Variants in STXBP4 observed in about 807,000 individuals in gnomAD.
The protein encoded by STXBP4 is syntaxin-binding protein 4.
STXBP4 carries 55 observed loss-of-function variants against 76.1 expected under a neutral mutation model. That is an observed-to-expected ratio of 0.72 (90% CI 0.58 to 0.91). STXBP4 has a LOEUF of 0.91. Among genes scored for constraint, STXBP4 ranks in the 40% least tolerant of loss-of-function variants. STXBP4 has a pLI of 0.00. For missense variants in STXBP4, 618 were observed against 636.9 expected (o/e 0.97, Z 0.32); for synonymous variants, 201 against 220.2 (o/e 0.91, Z 0.77).
chr17:55,134,937 T>C (rs892737943), intron 16 of STXBP4, among the ~76,000 whole-genome samples: 1 of 87,104 alleles, frequency 1.1e-5, no homozygotes, highest in African/African-American at 6.6e-5. Flanking sequence ...GGGATCAGAG[T>C]TAGAATGTAA....
At chr17:55,052,216 TA>T (rs1359818922) in intron 12 of STXBP4, among the ~76,000 whole-genome samples, 1 of 151,958 alleles carries the variant, frequency 6.6e-6, no homozygotes, top group South Asian at 2.1e-4. Context: ...GAAGGGTAAG[TA>T]AAATATAAGC....
chr17:55,185,078 T>C, the STXBP4 span, among the ~76,000 whole-genome samples: 128,987 of 152,084 alleles, frequency 0.85, 55,224 homozygotes, highest in African/African-American at 0.94. Context: ...GCTTCATTGC[T>C]GAGGCTGGTC....
chr17:55,043,602 C>T (rs1221867507), intron 11 of STXBP4: 4 of 1,548,642 alleles, frequency 2.6e-6, no homozygotes, highest in Non-Finnish European at 3.5e-6. Flanking sequence ...TTTTTATTCT[C>T]TCTCATTAGT....
intron 17 of STXBP4, among the ~76,000 whole-genome samples, chr17:55,158,403 G>C (rs1034808147): frequency 6.6e-6 from 1 of 152,184 alleles, no homozygotes; most frequent in African/African-American, 2.4e-5. Context: ...AGTTTGGGGA[G>C]GACGAAGGCT....
At position 55,071,741 on chromosome 17, in the gene STXBP4, G is replaced by T. The variant is rs563172495; in HGVS notation, c.1012-1159G>T. ...ATGAAAAACTGACCCTTAAGAATAT[G>T]CCAGCATTCCTAACCCTCCCAGCAC... On this transcript the variant is annotated intron_variant, in intron 12 of 17. Transcript: ENST00000376352. Among the ~76,000 whole-genome samples the T allele has an allele frequency of 2.0e-5, 3 of 152,202 alleles. No homozygotes were observed. The East Asian group carries it at 5.8e-4, about 29-fold the overall frequency.
At chr17:54,987,938 T>C (rs550612091) in intron 3 of STXBP4, among the ~76,000 whole-genome samples, 2 of 152,202 alleles carry the variant, frequency 1.3e-5, no homozygotes, top group Non-Finnish European at 2.9e-5. Flanking sequence ...CTTGTAATTC[T>C]CTTATTATGA....
chr17:55,048,475 T>G (rs1390103344), intron 12 of STXBP4, among the ~76,000 whole-genome samples: 2 of 151,916 alleles, frequency 1.3e-5, no homozygotes, highest in Non-Finnish European at 2.9e-5. Context: ...GATGAAAACT[T>G]TCCAAAACAA....
At chr17:55,102,558 G>C (rs113277016) in intron 16 of STXBP4, among the ~76,000 whole-genome samples, 5,823 of 152,170 alleles carry the variant, frequency 0.038, 398 homozygotes, top group African/African-American at 0.13. Flanking sequence ...CCAAGTCTTT[G>C]CTATTGTGAA....
intron 16 of STXBP4, among the ~76,000 whole-genome samples, chr17:55,102,165 T>C (rs1481664136): frequency 2.0e-5 from 3 of 151,904 alleles, no homozygotes; most frequent in African/African-American, 7.3e-5. Context: ...CTGGGATACA[T>C]GTACAGAATT....
the STXBP4 span, among the ~76,000 whole-genome samples, chr17:55,190,583 G>A: frequency 2.6e-5 from 4 of 152,230 alleles, no homozygotes; most frequent in African/African-American, 9.6e-5. Flanking sequence ...AAGAACAAAA[G>A]TAATTGCATA....
intron 16 of STXBP4, among the ~76,000 whole-genome samples, chr17:55,086,780 C>T (rs1322260084): frequency 6.6e-6 from 1 of 152,086 alleles, no homozygotes; most frequent in Admixed American, 6.6e-5. Flanking sequence ...GGATAAATGC[C>T]CAGTAGTAGG....
chr17:55,060,345 C>T (rs1389846777), intron 12 of STXBP4, among the ~76,000 whole-genome samples: 1 of 151,944 alleles, frequency 6.6e-6, no homozygotes, highest in Non-Finnish European at 1.5e-5. Flanking sequence ...TTTCTTTTTT[C>T]ACAATAAATG....
chr17:55,165,213 T>C lies in STXBP4; in HGVS notation c.*5302T>C, dbSNP rs1228761020. ...TAGGTCAAAGATTTGAGAGCACATA[T>C]GATGAGGAAGATGAGGCTTTCTTAC... is the stretch of plus-strand genomic sequence containing the variant. On this transcript the variant is annotated 3_prime_UTR_variant, in exon 18 of 18. Coordinates refer to ENST00000376352, the MANE Select transcript of STXBP4 (RefSeq NM_178509.6). 6.6e-6 allele frequency: 1 copy of C among 152,170 alleles called. No individual in the cohort carries two copies. Among genetic ancestry groups the C allele is most frequent in the Admixed American group, 6.5e-5 (1 of 15,276 alleles). 9.4% of individuals were successfully genotyped at this position (152,170 alleles called of 1,614,324 possible). A position where few individuals can be genotyped will look rare whatever the true frequency, so the allele number is the denominator to read the frequency against.
At chr17:55,021,249 T>C (rs1024167561) in intron 8 of STXBP4, among the ~76,000 whole-genome samples, 1 of 152,118 alleles carries the variant, frequency 6.6e-6, no homozygotes, top group Admixed American at 6.5e-5. Flanking sequence ...GGGGTGGGCA[T>C]GGTGGCTTAT....
chr17:55,158,561 G>T (rs1014865118), intron 17 of STXBP4, among the ~76,000 whole-genome samples: 2 of 152,234 alleles, frequency 1.3e-5, no homozygotes, highest in Non-Finnish European at 2.9e-5. Context: ...TCCAGCCAAA[G>T]GCTGGGAGTA....
intron 3 of STXBP4, among the ~76,000 whole-genome samples, chr17:54,987,184 G>A (rs887784995): frequency 6.6e-6 from 1 of 152,138 alleles, no homozygotes; most frequent in African/African-American, 2.4e-5. Context: ...TGGCCATTTT[G>A]CAAACGTAAA....
intron 1 of STXBP4, among the ~76,000 whole-genome samples, chr17:54,976,971 T>A (rs757132558): frequency 1.2e-4 from 19 of 152,246 alleles, no homozygotes; most frequent in Non-Finnish European, 2.6e-4. Flanking sequence ...CATACTTACA[T>A]TTTTTCCCTG....
At chr17:54,970,030 TAAGGAG>T in intron 1 of STXBP4, among the ~76,000 whole-genome samples, 1 of 152,218 alleles carries the variant, frequency 6.6e-6, no homozygotes, top group Admixed American at 6.5e-5. Flanking sequence ...TGAACGATGA[TAAGGAG>T]CTACCTACTC....
At chr17:55,023,585 G>A (rs76429601) in intron 8 of STXBP4, among the ~76,000 whole-genome samples, 3,211 of 152,238 alleles carry the variant, frequency 0.021, 123 homozygotes, top group African/African-American at 0.073. Flanking sequence ...GGATTTGGGA[G>A]CATTTTCGAT....
Sources: gnomAD v4.1 joint callset for allele counts (sites outside exome capture counted in the v4.1 genomes callset) on GRCh38, gnomAD v4.1.1 for gene constraint, MANE v1.5 for transcripts, NCBI Gene and HGNC (gene_info 2026-07-23, HGNC 2026-07-21) for gene names.